The following MEI1 variants were observed in gnomAD, a reference collection of about 807,000 sequenced individuals.
MEI1 encodes the protein meiotic double-stranded break formation protein 1.
In MEI1, 103 loss-of-function variants were observed where a neutral mutation model predicts 146.2. The ratio of observed to expected loss-of-function variants is 0.70; its 90% confidence interval spans 0.60 to 0.83. The LOEUF is 0.83. Among genes scored for constraint, MEI1 ranks in the 40% least tolerant of loss-of-function variants. The probability of loss-of-function intolerance (pLI) is 0.00; values close to 1 mark genes in which losing one functional copy is unlikely to be tolerated. For missense variants in MEI1, 1,529 were observed against 1,533.0 expected (o/e 1.00, Z 0.04); for synonymous variants, 652 against 628.2 (o/e 1.04, Z -0.57).
At chr22:41,769,901 A>G (rs1236749436) in intron 19 of MEI1, among the ~76,000 whole-genome samples, 3 of 151,644 alleles carry the variant, frequency 2.0e-5, no homozygotes, top group South Asian at 2.1e-4. Flanking sequence ...TTAGGAGGCC[A>G]AGGCGGGCAG....
chr22:41,793,681 A>C (rs1215519525), intron 26 of MEI1, 148 bp from the exon 27 acceptor site: 1 of 673,640 alleles, frequency 1.5e-6, no homozygotes. Context: ...GAAGCCAATA[A>C]ACATTTCTTG....
chr22:41,703,167 G>A (rs572598222), intron 1 of MEI1, among the ~76,000 whole-genome samples, 164 bp from the exon 2 acceptor site: 3 of 152,292 alleles, frequency 2.0e-5, no homozygotes, highest in East Asian at 1.9e-4. Context: ...ATTCCTCTGC[G>A]TAAATGATAT....
chr22:41,774,512 T>G (rs2075344224), intron 20 of MEI1: 1 of 152,132 alleles, frequency 6.6e-6, no homozygotes, highest in East Asian at 1.9e-4. Flanking sequence ...TTGGAAAAAA[T>G]TATCTAGATT....
rs762392195 is a variant in MEI1, at chr22:41,758,533, G to A, written c.2120G>A (p.Arg707Lys). 1 of 1,611,346 alleles carries A rather than the reference G, an allele frequency of 6.2e-7. No individual in the cohort carries two copies. Among genetic ancestry groups the A allele is most frequent in the Non-Finnish European group, 8.5e-7 (1 of 1,178,210 alleles). The change falls in exon 18 of 31, where the codon AGG becomes AAG. Residue 707 changes from arginine (R) to lysine (K), a missense_variant and splice_region_variant. By Grantham distance (26) the Arg-to-Lys change is conservative. Transcript: ENST00000401548. ...LFYLAYIHED[R>K]FVSEAELFEA... ...TACTTGGCCTACATCCATGAAGACA[G>A]GTCAGTGCACAGAGGTGGGTGGCTG...
chr22:41,716,758 C>T (rs1313736943), intron 5 of MEI1, among the ~76,000 whole-genome samples: 5 of 147,448 alleles, frequency 3.4e-5, no homozygotes, highest in Admixed American at 6.9e-5. Context: ...GGCGCGATCT[C>T]GGCTCACTGC....
chr22:41,749,050 C>T (rs879374102), intron 15 of MEI1, among the ~76,000 whole-genome samples: 3 of 152,078 alleles, frequency 2.0e-5, no homozygotes, highest in African/African-American at 4.8e-5. Context: ...GTGATCTGCC[C>T]GCCTCGGCCT....
intron 18 of MEI1, 96 bp downstream of exon 18, chr22:41,758,629 G>A: frequency 8.0e-7 from 1 of 1,254,204 alleles, no homozygotes; most frequent in South Asian, 1.5e-5. Flanking sequence ...GCCTGATGCT[G>A]GGCACTGGGG....
At chr22:41,741,671 G>C (rs2072878490) in intron 11 of MEI1, among the ~76,000 whole-genome samples, 1 of 152,238 alleles carries the variant, frequency 6.6e-6, no homozygotes, top group Non-Finnish European at 1.5e-5. Context: ...TATAGACTTT[G>C]ACTCAGAAAA....
Position 41,758,448 on chromosome 22 carries a change from G to A in MEI1, c.2035G>A (p.Asp679Asn). Residue 679 changes from aspartate to asparagine, a missense_variant, in exon 18 of 31, where the codon GAT becomes AAT. By Grantham distance (23) the Asp-to-Asn change is conservative. Transcript: ENST00000401548. ...CCCTGAAAGCCTTGCCTTCCTGTCT[G>A]ATCGCCAGTACATGGAGGGAGCTGC... ...RSPESLAFLS[D>N]RQYMEGAARQ... 6.2e-7 allele frequency: 1 copy of A among 1,613,964 alleles called. No homozygotes were observed.
chr22:41,797,652 G>T (rs1159012799), intron 30 of MEI1, among the ~76,000 whole-genome samples: 6 of 152,086 alleles, frequency 3.9e-5, no homozygotes, highest in Non-Finnish European at 8.8e-5. Context: ...TGTACAAGGT[G>T]TATATAAAAC....
intron 11 of MEI1, among the ~76,000 whole-genome samples, chr22:41,740,119 A>T (rs956180648): frequency 2.0e-5 from 3 of 151,924 alleles, no homozygotes; most frequent in Non-Finnish European, 4.4e-5. Context: ...TCCCAGGTTC[A>T]AACGATTCTC....
At chr22:41,754,073 T>A in intron 17 of MEI1, 27 bp downstream of exon 17, 1 of 1,527,902 alleles carries the variant, frequency 6.5e-7, no homozygotes, top group Non-Finnish European at 9.1e-7. Context: ...TGACCACTCA[T>A]GTGGCCTGTG....
chr22:41,709,394 AT>A, intron 3 of MEI1: 1 of 714,014 alleles, frequency 1.4e-6, no homozygotes, highest in Non-Finnish European at 2.6e-6. Flanking sequence ...GGAGGAGCAG[AT>A]TTTGCAGACA....
Position 41,793,822 on chromosome 22 carries a change from T to G in MEI1, c.3346-7T>G, listed in dbSNP as rs757274346. On this transcript the variant is annotated splice_region_variant and splice_polypyrimidine_tract_variant and intron_variant, in intron 26 of 30. Coordinates refer to ENST00000401548, the MANE Select transcript of MEI1 (RefSeq NM_152513.4). The stretch of plus-strand genomic sequence containing the variant: ...CCTGACCTGATTTTTTTTTTTTTTT[T>G]CTGCAGAAGGACCCTCTATTGTCCC... The G allele has an allele frequency of 3.8e-6, 6 of 1,570,204 alleles. No homozygotes were observed. The highest frequency in any genetic ancestry group is 3.5e-4 in the Middle Eastern group (2 of 5,754).
rs776006107 is a variant in MEI1, at chr22:41,776,112, A to G, written c.2555A>G (p.Tyr852Cys). 6 of 1,613,810 alleles carry G rather than the reference A, an allele frequency of 3.7e-6. No homozygotes were observed. Among genetic ancestry groups the G allele is most frequent in the East Asian group, 2.2e-5 (1 of 44,864 alleles). ...TTCTCTCCTGCTCAGGACCTCATCTATTCCAGCCCAGTGGACACAGCTCAC... is the reference window on the plus strand; with the variant it reads ...TTCTCTCCTGCTCAGGACCTCATCTGTTCCAGCCCAGTGGACACAGCTCAC... ...SILLILLDLI[Y>C]SSPVDTAHKV... Residue 852 changes from tyrosine to cysteine, a missense_variant, in exon 21 of 31, where the codon TAT becomes TGT. Tyr to Cys is a radical substitution (Grantham distance 194). Around this residue, in one of 3 missense-constraint regions of MEI1, gnomAD observed 1,212 missense variants for 1,178.9 expected, o/e 1.03. Transcript: ENST00000401548.
rs774537533 is a variant in MEI1 at position 41,724,076 on chromosome 22, A to G, written c.864+3A>G. On this transcript the variant is annotated splice_donor_region_variant and intron_variant, in intron 7 of 30. Coordinates refer to ENST00000401548, the MANE Select transcript of MEI1 (RefSeq NM_152513.4). ...CACTGCCTTTGGTGCTCAAAAAGGT[A>G]GTTGTCTTGTGATTCCTGGTCTCTA... 2 of 1,613,760 alleles carry G rather than the reference A, an allele frequency of 1.2e-6. No homozygotes were observed. The highest frequency in any genetic ancestry group is 1.3e-5 in the African/African-American group (1 of 74,930).
intron 16 of MEI1, among the ~76,000 whole-genome samples, chr22:41,753,328 T>A (rs985963024): frequency 6.6e-6 from 1 of 151,922 alleles, no homozygotes; most frequent in African/African-American, 2.4e-5. Flanking sequence ...GTTTTTTTTT[T>A]AATTAGCCAG....
At position 41,732,493 on chromosome 22, in the gene MEI1, C is replaced by T. The variant is rs373955109; in HGVS notation, c.1221C>T (p.Phe407=). 185 of 1,613,746 alleles carry T rather than the reference C, an allele frequency of 1.1e-4. No homozygotes were observed. Among genetic ancestry groups the T allele is most frequent in the Non-Finnish European group, 1.5e-4 (173 of 1,179,892 alleles). The change falls in exon 11 of 31, where the codon TTC becomes TTT. Residue 407 remains phenylalanine, a synonymous_variant. Transcript: ENST00000401548. The part of the protein sequence containing the change: ...LTRQPEEIKL[F]TSSAMCRDAG... The stretch of plus-strand genomic sequence containing the variant: ...GGCAGCCAGAGGAGATCAAGCTGTT[C>T]ACAAGCTCAGCCATGTGCAGAGATG...
intron 12 of MEI1, among the ~76,000 whole-genome samples, chr22:41,743,489 T>C (rs545388816): frequency 1.8e-4 from 28 of 152,274 alleles, no homozygotes; most frequent in Middle Eastern, 6.8e-3. Context: ...TTTACCCCAG[T>C]CTATTACACA....
Sources: gnomAD v4.1 joint callset for allele counts (sites outside exome capture counted in the v4.1 genomes callset) on GRCh38, gnomAD v4.1.1 for gene constraint, gnomAD v4.1.1 regional missense constraint, MANE v1.5 for transcripts, NCBI Gene and HGNC (gene_info 2026-07-23, HGNC 2026-07-21) for gene names.